Variants in FBLN1 observed in about 807,000 individuals in gnomAD.
FBLN1 encodes the protein fibulin-1.
FBLN1 carries 34 observed loss-of-function variants against 89.7 expected under a neutral mutation model. The ratio of observed to expected loss-of-function variants is 0.38; its 90% confidence interval spans 0.29 to 0.50. FBLN1 has a LOEUF of 0.50. Ranked by LOEUF, FBLN1 falls within the 20% of genes least tolerant of loss-of-function variation. The pLI is 0.92. For missense variants in FBLN1, 777 were observed against 988.1 expected, an observed-to-expected ratio of 0.79 and a Z score of 2.86; for synonymous variants, 393 against 391.3, an observed-to-expected ratio of 1.00 and a Z score of -0.05.
intron 16 of FBLN1, among the ~76,000 whole-genome samples, chr22:45,594,175 C>T (rs1483736477): frequency 6.6e-6 from 1 of 152,150 alleles, no homozygotes; most frequent in African/African-American, 2.4e-5. Flanking sequence ...TGCATGTGGG[C>T]AGCGAGTGTT....
chr22:45,505,768 T>G (rs1039288100), intron 1 of FBLN1, among the ~76,000 whole-genome samples: 1 of 152,128 alleles, frequency 6.6e-6, no homozygotes, highest in African/African-American at 2.4e-5. Flanking sequence ...ATTATTATTA[T>G]TATTATTTTA....
chr22:45,573,893 T>C (rs188069664), intron 14 of FBLN1, among the ~76,000 whole-genome samples: 9 of 152,110 alleles, frequency 5.9e-5, no homozygotes, highest in Admixed American at 5.9e-4. Flanking sequence ...TGTAATTTTG[T>C]ATCCGTGTTT....
At chr22:45,516,778 A>G (rs1347753660) in intron 1 of FBLN1, among the ~76,000 whole-genome samples, 1 of 152,232 alleles carries the variant, frequency 6.6e-6, no homozygotes, top group East Asian at 1.9e-4. Flanking sequence ...GAGAGTCAGA[A>G]GGGTGGGTCT....
intron 16 of FBLN1, among the ~76,000 whole-genome samples, chr22:45,594,849 G>A (rs1234709755): frequency 1.4e-5 from 2 of 145,086 alleles, no homozygotes; most frequent in Non-Finnish European, 3.0e-5. Context: ...TTGCTGAGTG[G>A]GTGGGTGGAT....
chr22:45,590,917 G>A lies in FBLN1; in HGVS notation c.1973-9390G>A, dbSNP rs1490396733. ...AGGGGCGTCTGGAGAAATTGGAGTG[G>A]ACTCCGAGTTTGGGTCGGGGGCCCA... On this transcript the variant is annotated intron_variant, in intron 16 of 16. Coordinates refer to ENST00000327858, the MANE Select transcript of FBLN1 (RefSeq NM_006486.3). The surrounding 1 kb of genome is among the most constrained non-coding windows in gnomAD (Gnocchi z 4.1). Among the ~76,000 whole-genome samples, 1 of 152,044 alleles carries A rather than the reference G, an allele frequency of 6.6e-6. No individual in the cohort carries two copies. Among genetic ancestry groups the A allele is most frequent in the African/African-American group, 2.4e-5 (1 of 41,358 alleles).
chr22:45,593,306 A>G (rs2089155483), intron 16 of FBLN1, among the ~76,000 whole-genome samples: 1 of 152,088 alleles, frequency 6.6e-6, no homozygotes, highest in African/African-American at 2.4e-5. Context: ...AGGTCTCCCC[A>G]CTGCACCCGA....
intron 1 of FBLN1, among the ~76,000 whole-genome samples, chr22:45,508,284 A>ATTTTTTTTTTTTTTT (rs1273382952): frequency 6.1e-5 from 4 of 65,430 alleles, no homozygotes; most frequent in African/African-American, 1.1e-4. Flanking sequence ...AGCCTCGCGT[A>ATTTTTTTTTTTTTTT]TCTTTTTTTT....
intron 16 of FBLN1, among the ~76,000 whole-genome samples, chr22:45,595,406 T>C (rs1463424833): frequency 6.6e-6 from 1 of 152,152 alleles, no homozygotes; most frequent in Non-Finnish European, 1.5e-5. Flanking sequence ...TAATAACTTT[T>C]CTTGTTAAAT....
chr22:45,591,730 G>C (rs1372626939), intron 16 of FBLN1, among the ~76,000 whole-genome samples: 2 of 152,142 alleles, frequency 1.3e-5, no homozygotes. Context: ...GCTTTCTGCT[G>C]TTTTTGCCGT....
chr22:45,538,026 T>C (rs961823771), intron 8 of FBLN1, among the ~76,000 whole-genome samples: 1 of 152,218 alleles, frequency 6.6e-6, no homozygotes, highest in Admixed American at 6.5e-5. Flanking sequence ...CTGACTTTCC[T>C]CTCTACAGGG....
chr22:45,541,155 T>C, intron 8 of FBLN1, 74 bp from the exon 9 acceptor site: 2 of 1,596,874 alleles, frequency 1.3e-6, no homozygotes, highest in Non-Finnish European at 1.7e-6. Flanking sequence ...GGGAGTTTCT[T>C]TGGAGATCCA....
chr22:45,593,995 C>G (rs2089161655), intron 16 of FBLN1, among the ~76,000 whole-genome samples: 1 of 152,176 alleles, frequency 6.6e-6, no homozygotes, highest in African/African-American at 2.4e-5. Flanking sequence ...TGGAAAGAGA[C>G]CAGGTGCCAG....
At chr22:45,555,496 G>A (rs537622814) in intron 14 of FBLN1, among the ~76,000 whole-genome samples, 1 of 152,126 alleles carries the variant, frequency 6.6e-6, no homozygotes, top group South Asian at 2.1e-4. Flanking sequence ...GGGAGGCTAG[G>A]CCAGTCTCTC....
intron 1 of FBLN1, among the ~76,000 whole-genome samples, chr22:45,511,448 C>T (rs2088099183): frequency 7.2e-6 from 1 of 139,354 alleles, no homozygotes; most frequent in South Asian, 2.2e-4. Context: ...GCCACCATGC[C>T]TGGCTTTTTT....
At chr22:45,584,297 A>G (rs181347002) in intron 16 of FBLN1, among the ~76,000 whole-genome samples, 2 of 152,320 alleles carry the variant, frequency 1.3e-5, no homozygotes, top group Admixed American at 1.3e-4. Flanking sequence ...CAGTGTGTCA[A>G]CGCGCTCCTG....
chr22:45,600,288 CCTT>C lies in FBLN1; in HGVS notation c.1973-16_1973-14del, dbSNP rs1569271919. ...GCAGTCCCTTCTAACTTCCAGCACACCTTCTGCTCTCTCCGCAGGTGTCGTGCG... is the reference window on the plus strand; with the variant it reads ...GCAGTCCCTTCTAACTTCCAGCACACCTGCTCTCTCCGCAGGTGTCGTGCG... On this transcript the variant is annotated splice_polypyrimidine_tract_variant and intron_variant, in intron 16 of 16. Coordinates refer to ENST00000327858, the MANE Select transcript of FBLN1 (RefSeq NM_006486.3). 19 of 1,614,102 alleles carry C rather than the reference CCTT, an allele frequency of 1.2e-5. No individual in the cohort carries two copies. Among genetic ancestry groups the C allele is most frequent in the East Asian group, 2.2e-5 (1 of 44,900 alleles).
intron 11 of FBLN1, among the ~76,000 whole-genome samples, chr22:45,543,958 G>T (rs989327663): frequency 2.0e-5 from 3 of 152,236 alleles, no homozygotes; most frequent in African/African-American, 7.2e-5. Context: ...ATGCTGCCTA[G>T]GGGAGACAGG....
intron 16 of FBLN1, among the ~76,000 whole-genome samples, chr22:45,582,802 TGTGCGTGTGTGTGG>T (rs1218149927): frequency 1.3e-5 from 2 of 152,182 alleles, no homozygotes; most frequent in Non-Finnish European, 2.9e-5. Context: ...GTGTGGAGTG[TGTGCGTGTGTGTGG>T]GTGCGTGTGA....
intron 14 of FBLN1, among the ~76,000 whole-genome samples, chr22:45,554,290 G>A (rs2088748443): frequency 6.6e-6 from 1 of 152,226 alleles, no homozygotes; most frequent in African/African-American, 2.4e-5. Flanking sequence ...GTTCACGGAC[G>A]CTTTGGTCAT....
Sources: allele counts gnomAD v4.1 joint callset (sites outside exome capture counted in the v4.1 genomes callset), GRCh38; gene constraint gnomAD v4.1.1; non-coding constraint Gnocchi (gnomAD v3.1); transcripts MANE v1.5; gene names NCBI Gene and HGNC (gene_info 2026-07-23, HGNC 2026-07-21).